Variants in LAMB4 observed in about 807,000 individuals in gnomAD.
LAMB4 encodes the protein laminin subunit beta 4.
Under a neutral mutation model 199.2 loss-of-function variants are expected in LAMB4, and 196 were observed. The observed-to-expected ratio is 0.98, with a 90% CI of 0.88 to 1.11. The LOEUF is 1.11. Ranked by LOEUF, LAMB4 falls within the 50% of genes least tolerant of loss-of-function variation. The pLI is 0.00. For missense variants in LAMB4, 2,080 were observed against 2,171.2 expected (o/e 0.96, Z 0.83); for synonymous variants, 744 against 770.6 (o/e 0.97, Z 0.57).
chr7:108,099,524 T>C (rs960213217), intron 10 of LAMB4, among the ~76,000 whole-genome samples: 6 of 152,180 alleles, frequency 3.9e-5, no homozygotes, highest in African/African-American at 1.4e-4. Context: ...CAGGTAGATG[T>C]TGAAACAGCA....
intron 32 of LAMB4, among the ~76,000 whole-genome samples, chr7:108,029,885 C>T (rs1312917842): frequency 1.3e-5 from 2 of 152,034 alleles, no homozygotes; most frequent in South Asian, 2.1e-4. Context: ...TTTAGGAGGC[C>T]GAGGCAGGCG....
rs114836920 is a variant in LAMB4, at chr7:108,124,579, C to T, written c.-33-1382G>A. Among the ~76,000 whole-genome samples, 521 of 152,162 alleles carry T rather than the reference C, an allele frequency of 3.4e-3. 3 individuals are homozygous for T. The highest frequency in any genetic ancestry group is 0.011 in the African/African-American group (455 of 41,500). Reference sequence around the variant, plus strand: ...TGCAGAAAGTTTGTTCCAATTTACACTCTTATAACCAGACTGTGAGCACTG... The same window carrying T: ...TGCAGAAAGTTTGTTCCAATTTACATTCTTATAACCAGACTGTGAGCACTG... On this transcript the variant is annotated intron_variant, in intron 1 of 33. Coordinates refer to ENST00000388781, the MANE Select transcript of LAMB4 (RefSeq NM_007356.3).
chr7:108,053,413 A>G (rs1391528987), intron 25 of LAMB4, among the ~76,000 whole-genome samples: 1 of 152,164 alleles, frequency 6.6e-6, no homozygotes, highest in African/African-American at 2.4e-5. Context: ...TGAGGCCTGG[A>G]GAAGACAAGC....
chr7:108,106,036 A>C lies in LAMB4; in HGVS notation c.656-5T>G, dbSNP rs760654511. 1.9e-6 allele frequency: 3 copies of C among 1,608,376 alleles called. No homozygotes were observed. The highest frequency in any genetic ancestry group is 2.6e-6 in the Non-Finnish European group (3 of 1,174,876). Reference sequence around the variant, plus strand: ...GGTTTGTCAATGTCACAAGGTCTAAAGAAAGGAAAATAATGAATCAAAGTG... The same window carrying C: ...GGTTTGTCAATGTCACAAGGTCTAACGAAAGGAAAATAATGAATCAAAGTG... On this transcript the variant is annotated splice_polypyrimidine_tract_variant and splice_region_variant and intron_variant, in intron 7 of 33. Transcript: ENST00000388781.
chr7:108,042,937 CTGTGTGTGTGTGTG>C (rs754739499), intron 29 of LAMB4, among the ~76,000 whole-genome samples: 22 of 140,392 alleles, frequency 1.6e-4, no homozygotes, highest in African/African-American at 4.9e-4. Context: ...CTCTCAATCT[CTGTGTGTGTGTGTG>C]TGTGTGTGTG....
chr7:108,055,127 G>GA (rs1353576900), intron 25 of LAMB4, among the ~76,000 whole-genome samples: 3 of 151,294 alleles, frequency 2.0e-5, no homozygotes, highest in South Asian at 2.1e-4. Flanking sequence ...ATGGCATCTG[G>GA]AAAAATCACA....
At position 108,105,863 on chromosome 7, in the gene LAMB4, C is replaced by T. The variant is rs371458946; in HGVS notation, c.824G>A (p.Arg275His). Residue 275 changes from arginine to histidine, a missense_variant, in exon 8 of 34, where the codon CGC becomes CAC. Arg to His is a conservative substitution (Grantham distance 29). Transcript: ENST00000388781. The stretch of plus-strand genomic sequence containing the variant: ...ATCTCCCCGCATCTTCTGCATAGGG[C>T]GACATTCGCTAGCATGGCCATTGCA... ...CFCNGHASEC[R>H]PMQKMRGDVF... 1.1e-5 allele frequency: 18 copies of T among 1,614,092 alleles called. No homozygotes were observed. The highest frequency in any genetic ancestry group is 9.3e-5 in the African/African-American group (7 of 74,930).
intron 23 of LAMB4, among the ~76,000 whole-genome samples, chr7:108,059,097 CTTTTTTTTT>C (rs57814646): frequency 1.9e-5 from 2 of 107,842 alleles, no homozygotes; most frequent in Non-Finnish European, 3.8e-5. Context: ...CAATCTGCCA[CTTTTTTTTT>C]TTTTTTTTTT....
At chr7:108,087,076 C>G (rs534677024) in intron 14 of LAMB4, among the ~76,000 whole-genome samples, 18 of 152,278 alleles carry the variant, frequency 1.2e-4, no homozygotes, top group South Asian at 2.1e-4. Context: ...TAGGAGAAAG[C>G]AAGTCCCCAT....
At position 108,057,829 on chromosome 7, in the gene LAMB4, T is replaced by TA. The variant is rs1343949883; in HGVS notation, c.3379+2dup. ...ATGAGTTTTTAGAAATCCCAATACT[T>TA]ACGAATGCATCGCCCAGGTGGATCA... On this transcript the variant is annotated splice_region_variant and intron_variant, in intron 24 of 33. Coordinates refer to ENST00000388781, the MANE Select transcript of LAMB4 (RefSeq NM_007356.3). 3 of 1,597,246 alleles carry TA rather than the reference T, an allele frequency of 1.9e-6. No individual in the cohort carries two copies. Among genetic ancestry groups the TA allele is most frequent in the Non-Finnish European group, 2.6e-6 (3 of 1,164,886 alleles).
intron 33 of LAMB4, among the ~76,000 whole-genome samples, chr7:108,028,769 G>A (rs556869704): frequency 6.6e-6 from 1 of 152,128 alleles, no homozygotes; most frequent in South Asian, 2.1e-4. Flanking sequence ...GAGCCACTGT[G>A]CCCAGCCAAA....
chr7:108,056,162 A>G (rs2035979336), intron 24 of LAMB4, among the ~76,000 whole-genome samples, 155 bp from the exon 25 acceptor site: 1 of 152,236 alleles, frequency 6.6e-6, no homozygotes, highest in African/African-American at 2.4e-5. Context: ...GATCTGTGCA[A>G]TAGCCATTAT....
intron 31 of LAMB4, among the ~76,000 whole-genome samples, chr7:108,033,265 T>C (rs1636956): frequency 0.13 from 19,304 of 152,234 alleles, 2,176 homozygotes; most frequent in African/African-American, 0.31. Context: ...CAATACAGCC[T>C]GTGGTCATGT....
chr7:108,069,677 C>A, intron 18 of LAMB4, 31 bp downstream of exon 18: 6 of 1,589,270 alleles, frequency 3.8e-6, no homozygotes, highest in Non-Finnish European at 5.2e-6. Flanking sequence ...GATGTCAGTG[C>A]CTCAGTAGAG....
intron 28 of LAMB4, among the ~76,000 whole-genome samples, chr7:108,047,080 T>G (rs1174758425): frequency 6.6e-6 from 1 of 152,122 alleles, no homozygotes. Context: ...TTCCAAATTT[T>G]TAATGCTTGG....
chr7:108,124,358 C>A (rs868227795), intron 1 of LAMB4, among the ~76,000 whole-genome samples: 12 of 152,008 alleles, frequency 7.9e-5, no homozygotes, highest in African/African-American at 2.9e-4. Context: ...TCTGCTAAAT[C>A]TTTGTTTATA....
At chr7:108,033,731 G>A (rs2035123469) in intron 31 of LAMB4, among the ~76,000 whole-genome samples, 1 of 139,754 alleles carries the variant, frequency 7.2e-6, no homozygotes, top group African/African-American at 2.8e-5. Flanking sequence ...TCTTTTGGAT[G>A]AGTATTTTTT....
downstream of LAMB4, among the ~76,000 whole-genome samples, chr7:108,019,329 G>A (rs1252995722): frequency 6.6e-6 from 1 of 151,868 alleles, no homozygotes; most frequent in Non-Finnish European, 1.5e-5. Flanking sequence ...CCGTGCTGCT[G>A]TCCCTCTGAC....
rs1584802390 is a variant in LAMB4 at position 108,125,843 on chromosome 7, C to T, written c.-33-2646G>A. On this transcript the variant is annotated intron_variant, in intron 1 of 33. Transcript: ENST00000388781. ...GCTTCCTCAGTATCACAGTTCACCACATTTCTATGATAAAAATGACCTGCT... is the reference window on the plus strand; with the variant it reads ...GCTTCCTCAGTATCACAGTTCACCATATTTCTATGATAAAAATGACCTGCT... Among the ~76,000 whole-genome samples the T allele has an allele frequency of 3.3e-5, 5 of 152,330 alleles. No individual in the cohort carries two copies. The South Asian group carries it at 1.0e-3, about 32-fold the overall frequency.
Sources: gnomAD v4.1 joint callset for allele counts (sites outside exome capture counted in the v4.1 genomes callset) on GRCh38, gnomAD v4.1.1 for gene constraint, MANE v1.5 for transcripts, NCBI Gene and HGNC (gene_info 2026-07-23, HGNC 2026-07-21) for gene names.